Variants in FGF14 observed in about 807,000 individuals in gnomAD.
FGF14 encodes fibroblast growth factor homologous factor 4.
FGF14 carries 5 observed loss-of-function variants against 25.5 expected under a neutral mutation model. The observed-to-expected ratio is 0.20, with a 90% CI of 0.10 to 0.41. The LOEUF is 0.41. Ranked by LOEUF, FGF14 falls within the 10% of genes least tolerant of loss-of-function variation. The pLI is 1.00. For missense variants in FGF14, 222 were observed against 320.1 expected (o/e 0.69, Z 2.34); for synonymous variants, 138 against 118.3 (o/e 1.17, Z -1.08).
intron 3 of FGF14, among the ~76,000 whole-genome samples, chr13:101,828,963 A>G (rs2042540708): frequency 6.6e-6 from 1 of 152,070 alleles, no homozygotes; most frequent in African/African-American, 2.4e-5. Flanking sequence ...GCTGATAGCA[A>G]ACAAAGTAAA....
chr13:101,811,512 C>G (rs1206355180), intron 3 of FGF14, among the ~76,000 whole-genome samples: 4 of 152,166 alleles, frequency 2.6e-5, no homozygotes, highest in Admixed American at 2.6e-4. Flanking sequence ...TATGCTCATA[C>G]TAAAGTGCAT....
At chr13:101,863,164 A>G (rs897182829) in intron 3 of FGF14, among the ~76,000 whole-genome samples, 3 of 152,292 alleles carry the variant, frequency 2.0e-5, no homozygotes, top group African/African-American at 7.2e-5. Flanking sequence ...CTCAAGTTTA[A>G]TATACTTTTT....
intron 1 of FGF14, among the ~76,000 whole-genome samples, chr13:102,018,173 C>T (rs2040444945): frequency 6.6e-6 from 1 of 152,094 alleles, no homozygotes; most frequent in Non-Finnish European, 1.5e-5. Flanking sequence ...TAACCTATCT[C>T]TAGTGACTTT....
At chr13:102,234,665 A>C (rs760674210) in intron 1 of FGF14, among the ~76,000 whole-genome samples, 14 of 152,334 alleles carry the variant, frequency 9.2e-5, no homozygotes, top group Non-Finnish European at 1.8e-4. Context: ...CTATCTTCAC[A>C]GTGTTCAGAA....
intron 1 of FGF14, among the ~76,000 whole-genome samples, chr13:102,262,024 T>A (rs1322097018): frequency 6.6e-6 from 1 of 152,196 alleles, no homozygotes; most frequent in Non-Finnish European, 1.5e-5. Flanking sequence ...GTGGATTCAC[T>A]CAGTACTAGC....
chr13:101,957,183 CA>C (rs2036566838), intron 1 of FGF14, among the ~76,000 whole-genome samples: 1 of 152,094 alleles, frequency 6.6e-6, no homozygotes, highest in Non-Finnish European at 1.5e-5. Context: ...ACAGAATATA[CA>C]ATACAGATAT....
intron 1 of FGF14, among the ~76,000 whole-genome samples, chr13:102,127,785 C>T (rs1270484611): frequency 6.6e-6 from 1 of 152,194 alleles, no homozygotes; most frequent in African/African-American, 2.4e-5. Context: ...AATAAATTAA[C>T]ACGAGTGGTG....
intron 1 of FGF14, among the ~76,000 whole-genome samples, chr13:102,131,038 A>G (rs2046174262): frequency 6.6e-6 from 1 of 152,204 alleles, no homozygotes; most frequent in African/African-American, 2.4e-5. Context: ...GACAGTCAAC[A>G]CACCTAAAGA....
At chr13:102,192,563 A>C (rs1594350167) in intron 1 of FGF14, among the ~76,000 whole-genome samples, 1 of 152,222 alleles carries the variant, frequency 6.6e-6, no homozygotes. Context: ...TTCACATTTT[A>C]CCATAAACAG....
At chr13:102,023,329 T>A (rs2040766263) in intron 1 of FGF14, among the ~76,000 whole-genome samples, 1 of 152,058 alleles carries the variant, frequency 6.6e-6, no homozygotes, top group Non-Finnish European at 1.5e-5. Flanking sequence ...ACTAAAGTGC[T>A]ACAGATTTTT....
intron 1 of FGF14, among the ~76,000 whole-genome samples, chr13:102,009,565 G>T (rs976646278): frequency 6.6e-6 from 1 of 151,338 alleles, no homozygotes; most frequent in Non-Finnish European, 1.5e-5. Context: ...TATTTTTATG[G>T]GATTAAAAAA....
intron 1 of FGF14, among the ~76,000 whole-genome samples, chr13:102,338,325 C>A (rs561119091): frequency 3.3e-5 from 5 of 152,262 alleles, no homozygotes; most frequent in East Asian, 3.9e-4. Context: ...CCATGCCCCC[C>A]CTTCTGCCCA....
At chr13:101,841,538 T>C (rs961660971) in intron 3 of FGF14, among the ~76,000 whole-genome samples, 5 of 152,020 alleles carry the variant, frequency 3.3e-5, no homozygotes, top group East Asian at 1.9e-4. Context: ...AATCCCATTA[T>C]AGTAAACTCA....
chr13:101,880,006 G>A (rs966079651), intron 1 of FGF14, among the ~76,000 whole-genome samples: 2 of 152,084 alleles, frequency 1.3e-5, no homozygotes, highest in East Asian at 3.9e-4. Context: ...AAAATTAAAG[G>A]CATGGGAAAA....
chr13:101,881,212 CA>C (rs2045690900), intron 1 of FGF14, among the ~76,000 whole-genome samples: 1 of 152,120 alleles, frequency 6.6e-6, no homozygotes, highest in South Asian at 2.1e-4. Flanking sequence ...TTTGAATATC[CA>C]GTGTATATAA....
chr13:102,073,387 C>A (rs1482022479), intron 1 of FGF14, among the ~76,000 whole-genome samples: 2 of 152,236 alleles, frequency 1.3e-5, no homozygotes, highest in Non-Finnish European at 1.5e-5. Context: ...CAGGCCACAG[C>A]CTTCACCATA....
At chr13:101,783,084 TG>T (rs1484923750) in intron 3 of FGF14, among the ~76,000 whole-genome samples, 7 of 152,330 alleles carry the variant, frequency 4.6e-5, no homozygotes, top group African/African-American at 1.4e-4. Context: ...TGGTATTAGA[TG>T]GTATCTCATT....
chr13:101,816,065 T>C (rs1028406228), intron 3 of FGF14, among the ~76,000 whole-genome samples: 1 of 151,454 alleles, frequency 6.6e-6, no homozygotes, highest in Non-Finnish European at 1.5e-5. Context: ...GGTCAGGAGA[T>C]CGAGACCATC....
intron 1 of FGF14, among the ~76,000 whole-genome samples, chr13:101,922,027 C>T (rs1390724244): frequency 6.6e-6 from 1 of 152,150 alleles, no homozygotes; most frequent in East Asian, 1.9e-4. Flanking sequence ...AAGGTACAGA[C>T]TTTGTCTCCT....
Sources: gnomAD v4.1 joint callset for allele counts (sites outside exome capture counted in the v4.1 genomes callset) on GRCh38, gnomAD v4.1.1 for gene constraint, MANE v1.5 for transcripts, NCBI Gene and HGNC (gene_info 2026-07-23, HGNC 2026-07-21) for gene names.